BTRC: variants seen among roughly 807,000 people sequenced by gnomAD.
BTRC encodes beta-transducin repeat containing E3 ubiquitin protein ligase, also known as F-box/WD repeat-containing protein 1A.
BTRC carries 42 observed loss-of-function variants against 85.5 expected under a neutral mutation model. That is an observed-to-expected ratio of 0.49 (90% CI 0.38 to 0.64). BTRC has a LOEUF of 0.64. Ranked by LOEUF, BTRC falls within the 30% of genes least tolerant of loss-of-function variation. The pLI, the probability that BTRC is intolerant of heterozygous loss-of-function variation, is 0.00. For missense variants in BTRC, 594 were observed against 743.5 expected (o/e 0.80, Z 2.34); for synonymous variants, 255 against 263.3 (o/e 0.97, Z 0.30).
intron 3 of BTRC, among the ~76,000 whole-genome samples, chr10:101,474,596 C>G (rs1011193143): frequency 6.6e-6 from 1 of 152,202 alleles, no homozygotes; most frequent in Non-Finnish European, 1.5e-5. Context: ...TAGTCTTCCT[C>G]CTTCCCCTGT....
chr10:101,404,800 C>T (rs1943579668), intron 1 of BTRC, among the ~76,000 whole-genome samples: 1 of 151,908 alleles, frequency 6.6e-6, no homozygotes, highest in Non-Finnish European at 1.5e-5. Flanking sequence ...AGATCGAGAC[C>T]ATCCTGGCTA....
At chr10:101,543,712 T>TA (rs1282397755) in intron 13 of BTRC, among the ~76,000 whole-genome samples, 7 of 152,154 alleles carry the variant, frequency 4.6e-5, no homozygotes, top group African/African-American at 1.7e-4. Context: ...TTACAATAGT[T>TA]ATCTCTAATT....
intron 1 of BTRC, among the ~76,000 whole-genome samples, chr10:101,372,318 G>A (rs1181063653): frequency 6.7e-6 from 1 of 149,540 alleles, no homozygotes; most frequent in Admixed American, 6.6e-5. Flanking sequence ...GTGCAGTGGC[G>A]CAATCTTGGC....
At chr10:101,500,025 T>G (rs938349436) in intron 4 of BTRC, among the ~76,000 whole-genome samples, 5 of 151,616 alleles carry the variant, frequency 3.3e-5, no homozygotes, top group African/African-American at 1.2e-4. Flanking sequence ...GAGCTCTTAA[T>G]AAAGTTTTGA....
intron 1 of BTRC, chr10:101,365,054 T>A (rs1344310778): frequency 6.6e-6 from 1 of 152,070 alleles, no homozygotes; most frequent in Non-Finnish European, 1.5e-5. Context: ...TTTTTCTTTT[T>A]TTCTTTTTAA....
At chr10:101,416,306 G>C (rs1943944651) in intron 1 of BTRC, among the ~76,000 whole-genome samples, 1 of 151,786 alleles carries the variant, frequency 6.6e-6, no homozygotes, top group Non-Finnish European at 1.5e-5. Flanking sequence ...TTTTCCCCTG[G>C]TTTTTGTTTG....
intron 3 of BTRC, among the ~76,000 whole-genome samples, chr10:101,462,849 A>G (rs937547247): frequency 6.6e-6 from 1 of 151,856 alleles, no homozygotes; most frequent in South Asian, 2.1e-4. Context: ...CCACCTATTC[A>G]TTTTTATTTT....
chr10:101,415,651 C>T (rs992049369), intron 1 of BTRC, among the ~76,000 whole-genome samples: 4 of 151,360 alleles, frequency 2.6e-5, no homozygotes, highest in African/African-American at 7.3e-5. Flanking sequence ...AAGCGATTCT[C>T]CTGCCTCAAC....
intron 1 of BTRC, among the ~76,000 whole-genome samples, chr10:101,363,252 G>A (rs371350901): frequency 6.6e-6 from 1 of 152,090 alleles, no homozygotes; most frequent in Non-Finnish European, 1.5e-5. Context: ...AGTCATGCTA[G>A]CAGGTATCCT....
At chr10:101,538,416 A>G in intron 13 of BTRC, 45 bp downstream of exon 13, 3 of 1,518,440 alleles carry the variant, frequency 2.0e-6, no homozygotes, top group South Asian at 2.2e-5. Context: ...CAGGTGGGGG[A>G]AGAAATTAAA....
intron 1 of BTRC, among the ~76,000 whole-genome samples, chr10:101,429,426 G>T: frequency 6.6e-6 from 1 of 151,108 alleles, no homozygotes; most frequent in Admixed American, 6.6e-5. Context: ...TACATTCTTA[G>T]GTATTTTTGT....
Position 101,522,369 on chromosome 10 carries a change from AAAAAAAAC to A in BTRC, c.556+507_556+514del, listed in dbSNP as rs1313002657. 5.6e-4 allele frequency among the ~76,000 whole-genome samples: 42 copies of A among 74,526 alleles called. 2 individuals are homozygous for A. The highest frequency in any genetic ancestry group is 8.9e-4 in the Non-Finnish European group (32 of 35,984). 48.9% of individuals were successfully genotyped at this position (74,526 alleles called of 152,430 possible). On this transcript the variant is annotated intron_variant, in intron 5 of 14. Transcript: ENST00000370187. The stretch of plus-strand genomic sequence containing the variant: ...TAAAGCTTTAAAAAAAAAAAAAACA[AAAAAAAAC>A]AAAAAAAAAAAAACTCTAGAAATAA...
intron 2 of BTRC, among the ~76,000 whole-genome samples, chr10:101,461,688 G>A (rs1270235109): frequency 6.6e-6 from 1 of 152,124 alleles, no homozygotes; most frequent in African/African-American, 2.4e-5. Flanking sequence ...TGTATCCAGT[G>A]TCAACCTGTG....
In BTRC at chr10:101,381,615, A is replaced by G. The variant is rs186339718; in HGVS notation, c.48+27387A>G. On this transcript the variant is annotated intron_variant, in intron 1 of 14. Transcript: ENST00000370187. The stretch of plus-strand genomic sequence containing the variant: ...GATGTTATCTTTTGACTTATTTTTG[A>G]GAAATATAATTTTGAAGAGAGGTGT... Among the ~76,000 whole-genome samples the G allele has an allele frequency of 2.1e-3, 321 of 152,246 alleles. 3 individuals carry two copies. Among genetic ancestry groups the G allele is most frequent in the African/African-American group, 7.2e-3 (299 of 41,544 alleles).
Position 101,532,808 on chromosome 10 carries a change from G to GCGCA in BTRC, c.979-141_979-140insACGC, listed in dbSNP as rs35622797. Reference sequence around the variant, plus strand: ...TGTGTGTGCGCGTGTGCGCGCGCGCGCGCTTAGCTATACCTATAGAAAATG... The same window carrying GCGCA: ...TGTGTGTGCGCGTGTGCGCGCGCGCGCGCACGCTTAGCTATACCTATAGAAAATG... On this transcript the variant is annotated intron_variant, in intron 8 of 14. Coordinates refer to ENST00000370187, the MANE Select transcript of BTRC (RefSeq NM_033637.4). 2.7e-5 allele frequency: 18 copies of GCGCA among 670,014 alleles called. 1 individual carries two copies. Among genetic ancestry groups the GCGCA allele is most frequent in the East Asian group, 5.3e-5 (2 of 38,050 alleles). The allele number at this position is 670,014 out of a possible 1,614,324, so 41.5% of individuals were successfully genotyped here.
chr10:101,453,443 G>A (rs1944999121), intron 2 of BTRC: 1 of 152,180 alleles, frequency 6.6e-6, no homozygotes, highest in Non-Finnish European at 1.5e-5. Flanking sequence ...GGTGTGAAAT[G>A]TTCGCTTGTA....
intron 1 of BTRC, among the ~76,000 whole-genome samples, chr10:101,427,962 G>A (rs1387620347): frequency 6.6e-6 from 1 of 152,144 alleles, no homozygotes; most frequent in African/African-American, 2.4e-5. Flanking sequence ...GTATAAAGAA[G>A]TAATATGAGT....
At chr10:101,483,907 T>G (rs1945913585) in intron 4 of BTRC, among the ~76,000 whole-genome samples, 1 of 152,222 alleles carries the variant, frequency 6.6e-6, no homozygotes, top group Non-Finnish European at 1.5e-5. Flanking sequence ...CATTACTTTT[T>G]TATGTTATCT....
chr10:101,486,252 A>G (rs924568510), intron 4 of BTRC, among the ~76,000 whole-genome samples: 1 of 152,178 alleles, frequency 6.6e-6, no homozygotes, highest in Non-Finnish European at 1.5e-5. Flanking sequence ...GCATAATGTA[A>G]CAATTTCCCA....
Sources: allele counts gnomAD v4.1 joint callset (sites outside exome capture counted in the v4.1 genomes callset), GRCh38; gene constraint gnomAD v4.1.1; transcripts MANE v1.5; gene names NCBI Gene and HGNC (gene_info 2026-07-23, HGNC 2026-07-21).